TBC1D12: variants seen among roughly 807,000 people sequenced by gnomAD.
TBC1D12 encodes the protein TBC1 domain family member 12.
Under a neutral mutation model 86.7 loss-of-function variants are expected in TBC1D12, and 56 were observed. The ratio of observed to expected loss-of-function variants is 0.65; its 90% CI spans 0.52 to 0.81. TBC1D12 has a LOEUF of 0.81. Ranked by LOEUF, TBC1D12 falls within the 30% of genes least tolerant of loss-of-function variation. The probability of loss-of-function intolerance (pLI) is 0.00; values close to 1 mark genes in which losing one functional copy is unlikely to be tolerated. For synonymous variants in TBC1D12, 421 were observed against 411.7 expected (o/e 1.02, Z -0.27); for missense variants, 1,023 against 1,038.8 (o/e 0.98, Z 0.21).
chr10:94,409,464 T>G (rs2054901636), intron 1 of TBC1D12, among the ~76,000 whole-genome samples: 4 of 149,570 alleles, frequency 2.7e-5, no homozygotes, highest in Admixed American at 1.3e-4. Flanking sequence ...CTCAGACTCC[T>G]GGGCTCAATT....
intron 2 of TBC1D12, among the ~76,000 whole-genome samples, chr10:94,455,791 TATTA>T (rs1017957690): frequency 6.6e-5 from 10 of 152,008 alleles, no homozygotes; most frequent in Admixed American, 6.6e-4. Context: ...GTACTAAAAA[TATTA>T]ATTTTCAAAA....
intron 2 of TBC1D12, among the ~76,000 whole-genome samples, chr10:94,453,082 G>A (rs1484834089): frequency 6.6e-6 from 1 of 152,124 alleles, no homozygotes; most frequent in Non-Finnish European, 1.5e-5. Context: ...TATCTTCTCT[G>A]ATGATATACA....
At chr10:94,470,420 A>G (rs565410370) in intron 2 of TBC1D12, among the ~76,000 whole-genome samples, 9 of 152,122 alleles carry the variant, frequency 5.9e-5, no homozygotes, top group Admixed American at 1.3e-4. Context: ...GCTGGAGTGC[A>G]GTGGAATGAT....
chr10:94,533,135 G>T lies in TBC1D12; in HGVS notation c.*39G>T. 1 of 1,386,708 alleles carries T rather than the reference G, an allele frequency of 7.2e-7. No homozygotes were observed. 85.9% of individuals were successfully genotyped at this position (1,386,708 alleles called of 1,614,324 possible). On this transcript the variant is annotated 3_prime_UTR_variant, in exon 13 of 13. Coordinates refer to ENST00000225235, the MANE Select transcript of TBC1D12 (RefSeq NM_015188.2). Reference sequence around the variant, plus strand: ...CAGACTAACTGACATAGAAAAAGTGGTTTTTGGATAAAGGTTTTTTGTTTC... The same window carrying T: ...CAGACTAACTGACATAGAAAAAGTGTTTTTTGGATAAAGGTTTTTTGTTTC...
At chr10:94,518,756 A>G (rs555819387) in intron 9 of TBC1D12, among the ~76,000 whole-genome samples, 1 of 152,314 alleles carries the variant, frequency 6.6e-6, no homozygotes, top group Admixed American at 6.5e-5. Flanking sequence ...AATCTGAATG[A>G]GCTATAAATA....
At chr10:94,440,269 A>G (rs1470028865) in intron 1 of TBC1D12, among the ~76,000 whole-genome samples, 1 of 152,030 alleles carries the variant, frequency 6.6e-6, no homozygotes, top group Non-Finnish European at 1.5e-5. Flanking sequence ...CCTGGGCCCA[A>G]GTGATTGTCC....
chr10:94,493,217 A>T (rs1220384139), intron 3 of TBC1D12, 148 bp from the exon 4 acceptor site: 11 of 658,944 alleles, frequency 1.7e-5, no homozygotes, highest in Non-Finnish European at 2.7e-5. Flanking sequence ...TCTAAAATGC[A>T]CAGTTCTTTT....
intron 9 of TBC1D12, among the ~76,000 whole-genome samples, chr10:94,514,925 T>C (rs2056570876): frequency 6.9e-6 from 1 of 145,768 alleles, no homozygotes; most frequent in Non-Finnish European, 1.5e-5. Context: ...TTTTTTTTTT[T>C]GAGACGGAGT....
intron 1 of TBC1D12, among the ~76,000 whole-genome samples, chr10:94,438,689 T>C (rs1318761744): frequency 6.6e-6 from 1 of 152,186 alleles, no homozygotes; most frequent in Non-Finnish European, 1.5e-5. Context: ...TTCATACTTA[T>C]GAAAGATCGG....
At chr10:94,519,644 G>A (rs1564989452) in intron 9 of TBC1D12, among the ~76,000 whole-genome samples, 2 of 152,188 alleles carry the variant, frequency 1.3e-5, no homozygotes, top group African/African-American at 2.4e-5. Context: ...AGTATTGGCA[G>A]GGTTGTGCTT....
At chr10:94,463,847 T>C (rs1425098983) in intron 2 of TBC1D12, among the ~76,000 whole-genome samples, 1 of 152,218 alleles carries the variant, frequency 6.6e-6, no homozygotes, top group Non-Finnish European at 1.5e-5. Context: ...TTTTTAAATT[T>C]TCTGCTTTTT....
intron 1 of TBC1D12, among the ~76,000 whole-genome samples, chr10:94,416,081 T>C (rs2054994212): frequency 6.6e-6 from 1 of 152,188 alleles, no homozygotes; most frequent in South Asian, 2.1e-4. Flanking sequence ...GATTTAGTTG[T>C]CCATTTAATA....
At chr10:94,488,546 A>G (rs1323751872) in intron 3 of TBC1D12, among the ~76,000 whole-genome samples, 1 of 150,410 alleles carries the variant, frequency 6.6e-6, no homozygotes, top group African/African-American at 2.4e-5. Context: ...ACATGCCACC[A>G]CACCCGGCTA....
At chr10:94,521,927 T>C in intron 9 of TBC1D12, 28 bp from the exon 10 acceptor site, 1 of 1,544,222 alleles carries the variant, frequency 6.5e-7, no homozygotes. Flanking sequence ...TGTAAGTCCA[T>C]TTTGACTAAA....
At chr10:94,474,198 G>A (rs1175419345) in intron 2 of TBC1D12, among the ~76,000 whole-genome samples, 1 of 152,026 alleles carries the variant, frequency 6.6e-6, no homozygotes, top group Non-Finnish European at 1.5e-5. Flanking sequence ...AAGATGGCCT[G>A]GATAGCTGAT....
At chr10:94,404,572 G>A (rs2054824628) in intron 1 of TBC1D12, among the ~76,000 whole-genome samples, 1 of 151,848 alleles carries the variant, frequency 6.6e-6, no homozygotes, top group Admixed American at 6.6e-5. Flanking sequence ...CTTGAACCTG[G>A]GAGGTAGAGG....
intron 9 of TBC1D12, among the ~76,000 whole-genome samples, chr10:94,518,067 T>G (rs1842047292): frequency 6.6e-6 from 1 of 151,834 alleles, no homozygotes; most frequent in African/African-American, 2.4e-5. Flanking sequence ...GCAAGGAGAA[T>G]TGCTTGAACT....
intron 1 of TBC1D12, among the ~76,000 whole-genome samples, chr10:94,425,265 T>G (rs1262523298): frequency 2.6e-5 from 4 of 152,230 alleles, no homozygotes; most frequent in East Asian, 1.9e-4. Flanking sequence ...ATGAGGGAGT[T>G]TTTTTGGCGT....
At chr10:94,418,655 T>C (rs535607056) in intron 1 of TBC1D12, among the ~76,000 whole-genome samples, 1 of 152,156 alleles carries the variant, frequency 6.6e-6, no homozygotes, top group South Asian at 2.1e-4. Flanking sequence ...CACTGCAACC[T>C]CTGCCTCCCG....
Sources: gnomAD v4.1 joint callset for allele counts (sites outside exome capture counted in the v4.1 genomes callset) on GRCh38, gnomAD v4.1.1 for gene constraint, MANE v1.5 for transcripts, NCBI Gene and HGNC (gene_info 2026-07-23, HGNC 2026-07-21) for gene names.